Variants in ELMO1 observed in about 807,000 individuals in gnomAD.
ELMO1 encodes engulfment and cell motility protein 1.
Under a neutral mutation model 98.9 loss-of-function variants are expected in ELMO1, and 26 were observed. The ratio of observed to expected loss-of-function variants is 0.26; its 90% CI spans 0.19 to 0.36. The LOEUF is 0.36. ELMO1 is among the 10% of genes least tolerant of loss of function. ELMO1 has a pLI of 1.00. For synonymous variants in ELMO1, 346 were observed against 346.0 expected, an observed-to-expected ratio of 1.00 and a Z score of 0.00; for missense variants, 627 against 935.2, an observed-to-expected ratio of 0.67 and a Z score of 4.30.
intron 1 of ELMO1, among the ~76,000 whole-genome samples, chr7:37,426,673 C>T (rs1376082205): frequency 1.3e-5 from 2 of 152,118 alleles, no homozygotes; most frequent in South Asian, 2.1e-4. Context: ...CAGTCCTTGT[C>T]TCGCCTCAGA....
chr7:37,383,853 T>C (rs999066624), intron 1 of ELMO1, among the ~76,000 whole-genome samples: 6 of 152,028 alleles, frequency 3.9e-5, no homozygotes, highest in Non-Finnish European at 7.4e-5. Flanking sequence ...TTTGGCTCTG[T>C]TGCCCAGGCT....
intron 16 of ELMO1, among the ~76,000 whole-genome samples, chr7:36,913,622 C>G (rs1255760853): frequency 6.6e-6 from 1 of 152,146 alleles, no homozygotes; most frequent in Non-Finnish European, 1.5e-5. Context: ...AATAACAAAG[C>G]CTGAACATGT....
intron 15 of ELMO1, among the ~76,000 whole-genome samples, chr7:37,085,030 T>C (rs1783687501): frequency 2.0e-5 from 3 of 152,180 alleles, no homozygotes; most frequent in South Asian, 4.1e-4. Flanking sequence ...GTGGTTGGAT[T>C]ACAGGTGTAA....
intron 15 of ELMO1, among the ~76,000 whole-genome samples, chr7:37,095,217 A>G (rs1784310254): frequency 1.3e-5 from 2 of 152,212 alleles, no homozygotes; most frequent in African/African-American, 2.4e-5. Context: ...TGGTCCAGAC[A>G]TGTTTTCCAG....
At chr7:37,064,749 C>G (rs1796865764) in intron 15 of ELMO1, among the ~76,000 whole-genome samples, 1 of 152,178 alleles carries the variant, frequency 6.6e-6, no homozygotes, top group Non-Finnish European at 1.5e-5. Context: ...CTATCTCCTT[C>G]CCCATCTGCA....
intron 16 of ELMO1, among the ~76,000 whole-genome samples, chr7:36,997,223 G>A (rs913993074): frequency 1.3e-5 from 2 of 152,138 alleles, no homozygotes; most frequent in Non-Finnish European, 2.9e-5. Context: ...TGAGAGGAAT[G>A]ATTTCTTTTA....
chr7:37,233,157 C>T lies in ELMO1; in HGVS notation c.487G>A (p.Val163Ile), dbSNP rs759779027. Residue 163 changes from valine to isoleucine, a missense_variant, in exon 8 of 22, where the codon GTT (valine) becomes ATT (isoleucine). Around this residue, in one of 3 missense-constraint regions of ELMO1, gnomAD observed 12 missense variants for 48.6 expected, o/e 0.25. Transcript: ENST00000310758. ...ACTATGCCATGGTCCATCAGCTCAA[C>T]GAAGGCCGTCAGGGTGAAGGACAGC... ...DMLSFTLTAF[V>I]ELMDHGIVSW... 12 of 1,613,494 alleles carry T rather than the reference C, an allele frequency of 7.4e-6. 1 individual carries two copies. Among genetic ancestry groups the T allele is most frequent in the South Asian group, 3.3e-5 (3 of 91,020 alleles).
At chr7:37,154,717 G>T (rs770831356) in intron 13 of ELMO1, among the ~76,000 whole-genome samples, 32 of 152,182 alleles carry the variant, frequency 2.1e-4, no homozygotes, top group Admixed American at 8.5e-4. Context: ...GGGGAGAATG[G>T]AACCAAGTTG....
At chr7:37,136,822 T>C (rs1787295142) in intron 13 of ELMO1, among the ~76,000 whole-genome samples, 1 of 150,426 alleles carries the variant, frequency 6.6e-6, no homozygotes. Context: ...AATCTCACAA[T>C]ACATACATGT....
chr7:37,216,814 T>A (rs1303373396), intron 10 of ELMO1, 119 bp from the exon 11 acceptor site: 2 of 984,328 alleles, frequency 2.0e-6, no homozygotes, highest in Non-Finnish European at 3.2e-6. Flanking sequence ...GTATTTCTTA[T>A]GAAATAATGA....
intron 14 of ELMO1, among the ~76,000 whole-genome samples, chr7:37,106,928 G>A (rs1784981479): frequency 6.6e-6 from 1 of 152,124 alleles, no homozygotes; most frequent in African/African-American, 2.4e-5. Context: ...TGTGGGTTGG[G>A]ACCTGAGGTC....
At chr7:37,251,436 T>C (rs1478119467) in intron 6 of ELMO1, among the ~76,000 whole-genome samples, 1 of 152,210 alleles carries the variant, frequency 6.6e-6, no homozygotes, top group African/African-American at 2.4e-5. Flanking sequence ...TTCCTCACTG[T>C]TCCTCTGTTA....
chr7:37,253,441 G>GCTGGAAACCATCATT (rs1177175250), intron 6 of ELMO1, among the ~76,000 whole-genome samples: 2 of 152,128 alleles, frequency 1.3e-5, no homozygotes, highest in Non-Finnish European at 2.9e-5. Context: ...CATGGATGAA[G>GCTGGAAACCATCATT]CTGGAAACCA....
At chr7:37,183,326 G>A (rs923676805) in intron 13 of ELMO1, among the ~76,000 whole-genome samples, 2 of 152,218 alleles carry the variant, frequency 1.3e-5, no homozygotes, top group African/African-American at 2.4e-5. Context: ...CATTCTGCCA[G>A]TGTATGTGGT....
intron 14 of ELMO1, among the ~76,000 whole-genome samples, chr7:37,116,055 T>G (rs993184500): frequency 3.9e-5 from 6 of 152,278 alleles, no homozygotes; most frequent in Non-Finnish European, 7.4e-5. Context: ...TAAAACACAA[T>G]GTCTATTAAT....
chr7:37,143,256 T>C (rs1348704537), intron 13 of ELMO1, among the ~76,000 whole-genome samples: 2 of 151,716 alleles, frequency 1.3e-5, no homozygotes, highest in African/African-American at 4.9e-5. Flanking sequence ...GCCAGTTATG[T>C]GGCAAAGCCA....
intron 15 of ELMO1, among the ~76,000 whole-genome samples, chr7:37,023,483 G>C (rs1258682849): frequency 6.6e-6 from 1 of 152,136 alleles, no homozygotes; most frequent in Non-Finnish European, 1.5e-5. Flanking sequence ...TACATAACTG[G>C]TTTATGCAGG....
At position 36,853,178 on chromosome 7, in the gene ELMO1, T is replaced by C. The variant is rs1004433765; in HGVS notation, c.*2373A>G. On this transcript the variant is annotated 3_prime_UTR_variant, in exon 22 of 22. Coordinates refer to ENST00000310758, the MANE Select transcript of ELMO1 (RefSeq NM_014800.11). ...TGGTCACAAAATGAATGGAAACAGA[T>C]GGCATACTCTTCAGATCTCACAGGT... Among the ~76,000 whole-genome samples the C allele has an allele frequency of 3.3e-4, 50 of 152,280 alleles. No homozygotes were observed. Among genetic ancestry groups the C allele is most frequent in the African/African-American group, 1.1e-3 (47 of 41,562 alleles).
chr7:36,861,776 G>C, intron 20 of ELMO1, 40 bp from the exon 21 acceptor site: 2 of 1,596,764 alleles, frequency 1.3e-6, no homozygotes, highest in South Asian at 2.2e-5. Flanking sequence ...AAGGAAAATC[G>C]GCACATTTCA....
Sources: allele counts gnomAD v4.1 joint callset (sites outside exome capture counted in the v4.1 genomes callset), GRCh38; gene constraint gnomAD v4.1.1; regional missense constraint gnomAD v4.1.1; transcripts MANE v1.5; gene names NCBI Gene and HGNC (gene_info 2026-07-23, HGNC 2026-07-21).